The following ASAP2 variants were observed in gnomAD, a reference collection of about 807,000 sequenced individuals.
The protein encoded by ASAP2 is arf-GAP with SH3 domain, ANK repeat and PH domain-containing protein 2.
ASAP2 carries 45 observed loss-of-function variants against 131.4 expected under a neutral mutation model. That is an observed-to-expected ratio of 0.34 (90% CI 0.27 to 0.44). The LOEUF is 0.44. Ranked by LOEUF, ASAP2 falls within the 20% of genes least tolerant of loss-of-function variation. The pLI is 1.00. For missense variants in ASAP2, 1,011 were observed against 1,297.0 expected (o/e 0.78, Z 3.39); for synonymous variants, 510 against 503.0 (o/e 1.01, Z -0.19).
intron 3 of ASAP2, among the ~76,000 whole-genome samples, chr2:9,312,766 T>G (rs932811298): frequency 4.6e-5 from 7 of 152,124 alleles, no homozygotes; most frequent in African/African-American, 1.7e-4. Flanking sequence ...CTAGCTTGTT[T>G]TTGTTTCCTA....
chr2:9,388,124 C>T (rs1482058852), intron 21 of ASAP2, among the ~76,000 whole-genome samples, 170 bp from the exon 22 acceptor site: 1 of 152,200 alleles, frequency 6.6e-6, no homozygotes, highest in Non-Finnish European at 1.5e-5. Flanking sequence ...TGAATTTTCA[C>T]TCTTGCAGCT....
chr2:9,391,280 G>A, intron 23 of ASAP2, 84 bp downstream of exon 23: 1 of 1,525,174 alleles, frequency 6.6e-7, no homozygotes, highest in Non-Finnish European at 8.8e-7. Context: ...CCACACAGCT[G>A]CCAGCACAGA....
chr2:9,361,632 A>G (rs905748879), intron 15 of ASAP2, among the ~76,000 whole-genome samples: 2 of 151,406 alleles, frequency 1.3e-5, no homozygotes. Context: ...CAGTAGCACA[A>G]TCTTAGCTCA....
At chr2:9,391,773 T>TG (rs1356742219) in intron 23 of ASAP2, among the ~76,000 whole-genome samples, 3 of 148,412 alleles carry the variant, frequency 2.0e-5, no homozygotes, top group Non-Finnish European at 4.5e-5. Context: ...TTAGTAGAGA[T>TG]GGGGTTTCAC....
intron 15 of ASAP2, among the ~76,000 whole-genome samples, chr2:9,365,309 C>G (rs1280830889): frequency 6.6e-6 from 1 of 152,178 alleles, no homozygotes; most frequent in Non-Finnish European, 1.5e-5. Context: ...CTTCGGGGAT[C>G]CAAGGGGCCC....
intron 3 of ASAP2, among the ~76,000 whole-genome samples, chr2:9,308,842 G>C (rs952254778): frequency 9.2e-5 from 14 of 152,202 alleles, no homozygotes; most frequent in Non-Finnish European, 1.8e-4. Context: ...AATTGCAAGG[G>C]TTGAATGGGA....
At chr2:9,366,663 G>T (rs1489536999) in intron 15 of ASAP2, among the ~76,000 whole-genome samples, 2 of 152,200 alleles carry the variant, frequency 1.3e-5, no homozygotes, top group African/African-American at 4.8e-5. Flanking sequence ...CCTCCTGACT[G>T]ATGGCTTGAG....
intron 1 of ASAP2, among the ~76,000 whole-genome samples, chr2:9,274,697 A>C (rs1156592753): frequency 6.6e-6 from 1 of 152,132 alleles, no homozygotes; most frequent in Non-Finnish European, 1.5e-5. Context: ...ATAAATATGC[A>C]CCATAATGAA....
intron 27 of ASAP2, among the ~76,000 whole-genome samples, chr2:9,402,030 T>C (rs6751628): frequency 0.88 from 134,338 of 152,272 alleles, 59,498 homozygotes; most frequent in East Asian, 0.99. Context: ...GAATGGGGCG[T>C]GGACAGAAAG....
At chr2:9,234,375 G>C (rs533470885) in intron 1 of ASAP2, among the ~76,000 whole-genome samples, 4 of 152,186 alleles carry the variant, frequency 2.6e-5, no homozygotes, top group Non-Finnish European at 4.4e-5. Flanking sequence ...TTTAGCCAGA[G>C]CCTGTCGCAT....
intron 25 of ASAP2, among the ~76,000 whole-genome samples, chr2:9,400,367 T>TC (rs1676556651): frequency 2.2e-5 from 1 of 45,688 alleles, no homozygotes. Context: ...CATGCCTTCC[T>TC]CCCCCGCCAC....
chr2:9,297,050 T>TA lies in ASAP2; in HGVS notation c.200-249dup, dbSNP rs555350857. Among the ~76,000 whole-genome samples, 11 of 152,320 alleles carry TA rather than the reference T, an allele frequency of 7.2e-5. No individual in the cohort carries two copies. The South Asian group carries it at 2.3e-3, about 32-fold the overall frequency. On this transcript the variant is annotated intron_variant, in intron 2 of 27. Transcript: ENST00000281419. Reference sequence around the variant, plus strand: ...GTGTGTCCTTGGCCATCTCATCTGATATGCTGAGGACCACTGGACGTGGGC... The same window carrying TA: ...GTGTGTCCTTGGCCATCTCATCTGATAATGCTGAGGACCACTGGACGTGGGC...
At chr2:9,384,138 T>C (rs922258986) in intron 20 of ASAP2, among the ~76,000 whole-genome samples, 1 of 152,146 alleles carries the variant, frequency 6.6e-6, no homozygotes, top group Non-Finnish European at 1.5e-5. Context: ...GTTGTGCACA[T>C]GTACCCTAGA....
At chr2:9,226,675 C>G (rs1444339961) in intron 1 of ASAP2, among the ~76,000 whole-genome samples, 1 of 152,202 alleles carries the variant, frequency 6.6e-6, no homozygotes, top group Non-Finnish European at 1.5e-5. Flanking sequence ...TTCTTCTTCC[C>G]TCTTAAGCCC....
chr2:9,331,030 C>T (rs985345068), intron 7 of ASAP2, among the ~76,000 whole-genome samples: 4 of 152,240 alleles, frequency 2.6e-5, no homozygotes, highest in Admixed American at 6.5e-5. Flanking sequence ...AGTAAGAGCT[C>T]GCAGCCGTGC....
intron 1 of ASAP2, among the ~76,000 whole-genome samples, chr2:9,209,454 C>T (rs1572161852): frequency 6.6e-6 from 1 of 152,124 alleles, no homozygotes; most frequent in Admixed American, 6.5e-5. Flanking sequence ...CATACTGAGA[C>T]GAAACATGAG....
intron 15 of ASAP2, among the ~76,000 whole-genome samples, chr2:9,365,115 A>C (rs1302473126): frequency 6.6e-6 from 1 of 152,232 alleles, no homozygotes; most frequent in Non-Finnish European, 1.5e-5. Flanking sequence ...TTTGTAAACT[A>C]CATCAAAAAT....
chr2:9,258,973 C>T (rs1268422320), intron 1 of ASAP2, among the ~76,000 whole-genome samples: 3 of 152,132 alleles, frequency 2.0e-5, no homozygotes, highest in Non-Finnish European at 2.9e-5. Flanking sequence ...CAGCCAGTTT[C>T]GCGGGGCCAG....
chr2:9,238,900 G>C lies in ASAP2; in HGVS notation c.126+31670G>C, dbSNP rs545667526. ...ATAGATGATTTTGTCTTCTGTGAAC[G>C]CTGTTTGCCTCCTTCCTTCCTGATC... On this transcript the variant is annotated intron_variant, in intron 1 of 27. Transcript: ENST00000281419. Among the ~76,000 whole-genome samples the C allele has an allele frequency of 3.9e-5, 6 of 152,232 alleles. No individual in the cohort carries two copies. In the East Asian group the frequency reaches 1.2e-3, roughly 29 times the overall value.
Sources: gnomAD v4.1 joint callset for allele counts (sites outside exome capture counted in the v4.1 genomes callset) on GRCh38, gnomAD v4.1.1 for gene constraint, MANE v1.5 for transcripts, NCBI Gene and HGNC (gene_info 2026-07-23, HGNC 2026-07-21) for gene names.